G6PC1: variants seen among roughly 807,000 people sequenced by gnomAD.
The protein encoded by G6PC1 is glucose-6-phosphatase catalytic subunit 1, also known as G-6-Pase.
A neutral mutation model predicts 30.4 loss-of-function variants in G6PC1; 23 were observed. The observed-to-expected ratio is 0.76, with a 90% CI of 0.55 to 1.07. The LOEUF (loss-of-function observed/expected upper bound fraction) is 1.07. Among genes scored for constraint, G6PC1 ranks in the 50% least tolerant of loss-of-function variants. The pLI is 0.00. For missense variants in G6PC1, 391 were observed against 433.9 expected, an observed-to-expected ratio of 0.90 and a Z score of 0.88; for synonymous variants, 163 against 175.6, an observed-to-expected ratio of 0.93 and a Z score of 0.57.
chr17:42,905,439 T>C (rs1387816936), intron 2 of G6PC1, among the ~76,000 whole-genome samples: 3 of 109,838 alleles, frequency 2.7e-5, no homozygotes, highest in African/African-American at 1.2e-4. Context: ...AATATATATA[T>C]ATATACACAC....
chr17:42,911,246 T>G lies in G6PC1; in HGVS notation c.894T>G (p.Ser298=). The G allele has an allele frequency of 6.2e-7, 1 of 1,614,208 alleles. No homozygotes were observed. The highest frequency in any genetic ancestry group is 1.1e-5 in the South Asian group (1 of 91,082). Residue 298 remains serine (S), a synonymous_variant, in exon 5 of 5, where the codon TCT becomes TCG. Transcript: ENST00000253801. ...AGTGGCTCCCATTCCGCCTCAGCTC[T>G]ATTGTAGCCTCCCTCGTCCTCCTGC... The part of the protein sequence containing the change: ...LSKWLPFRLS[S]IVASLVLLHV...
intron 2 of G6PC1, 78 bp from the exon 3 acceptor site, chr17:42,907,445 G>A: frequency 1.1e-6 from 1 of 932,594 alleles, no homozygotes; most frequent in South Asian, 1.4e-5. Context: ...GGGATGGCTG[G>A]GTGGCTGGGT....
chr17:42,910,313 G>A (rs2056087520), intron 4 of G6PC1, among the ~76,000 whole-genome samples: 1 of 152,192 alleles, frequency 6.6e-6, no homozygotes, highest in Admixed American at 6.5e-5. Flanking sequence ...ATTCAAAGAA[G>A]AATGTTGAGA....
chr17:42,902,348 A>G (rs1375641010), intron 1 of G6PC1, among the ~76,000 whole-genome samples: 1 of 152,034 alleles, frequency 6.6e-6, no homozygotes, highest in African/African-American at 2.4e-5. Flanking sequence ...CTCCGGTTCA[A>G]GTGATTCTCC....
rs976784670 is a variant in G6PC1, at chr17:42,908,133, C to T, written c.446+505C>T. On this transcript the variant is annotated intron_variant, in intron 3 of 4. Coordinates refer to ENST00000253801, the MANE Select transcript of G6PC1 (RefSeq NM_000151.4). ...GCAACCTCTGCCTCCCAGGCTCAAG[C>T]GATCCTCCCACCTCAGCCATCTGAG... Among the ~76,000 whole-genome samples the T allele has an allele frequency of 5.3e-5, 8 of 152,260 alleles. No individual in the cohort carries two copies. In the East Asian group the frequency reaches 9.7e-4, roughly 18 times the overall value.
intron 2 of G6PC1, among the ~76,000 whole-genome samples, chr17:42,906,223 C>T (rs1045487615): frequency 2.6e-5 from 4 of 151,860 alleles, no homozygotes; most frequent in African/African-American, 7.3e-5. Flanking sequence ...TGGAGATTCA[C>T]GTGCAGGAGT....
rs1177391290 is a variant in G6PC1, at chr17:42,912,542, G to C, written c.*1116G>C. ...AGGATTCCTCTCTCAGGTCACTCCA[G>C]TGTTACTTTTAATTCCTAGAGGGTA... On this transcript the variant is annotated 3_prime_UTR_variant, in exon 5 of 5. Transcript: ENST00000253801. The C allele has an allele frequency of 6.6e-6, 1 of 152,134 alleles. No homozygotes were observed. Among genetic ancestry groups the C allele is most frequent in the Non-Finnish European group, 1.5e-5 (1 of 68,020 alleles). 9.4% of individuals were successfully genotyped at this position (152,134 alleles called of 1,614,324 possible). A position where few individuals can be genotyped will look rare whatever the true frequency, so the allele number is the denominator to read the frequency against.
rs2151930021 is a variant in G6PC1 at position 42,903,990 on chromosome 17, C to T, written c.290C>T (p.Thr97Ile). The T allele has an allele frequency of 6.2e-7, 1 of 1,614,120 alleles. No homozygotes were observed. The highest frequency in any genetic ancestry group is 8.5e-7 in the Non-Finnish European group (1 of 1,179,966). Residue 97 changes from threonine (T) to isoleucine (I), a missense_variant, in exon 2 of 5, where the codon ACT becomes ATT. Coordinates refer to ENST00000253801, the MANE Select transcript of G6PC1 (RefSeq NM_000151.4). ...WVLDTDYYSN[T>I]SVPLIKQFPV... ...TTGGATACTGACTACTACAGCAACA[C>T]TTCCGTGCCCCTGATAAAGCAGTTC...
At position 42,911,692 on chromosome 17, in the gene G6PC1, C is replaced by A; in HGVS notation, c.*266C>A. ...AAGTTTCCCGCCAGGAGGTCCTCCT[C>A]TCTCTACTTGAATACTCTCACAAGT... On this transcript the variant is annotated 3_prime_UTR_variant, in exon 5 of 5. Coordinates refer to ENST00000253801, the MANE Select transcript of G6PC1 (RefSeq NM_000151.4). 21 of 523,470 alleles carry A rather than the reference C, an allele frequency of 4.0e-5. No homozygotes were observed. The highest frequency in any genetic ancestry group is 6.2e-5 in the Non-Finnish European group (18 of 288,716). 32.4% of individuals were successfully genotyped at this position (523,470 alleles called of 1,614,324 possible). A position where few individuals can be genotyped will look rare whatever the true frequency, so the allele number is the denominator to read the frequency against.
rs1212515908 is a variant in G6PC1 at position 42,909,410 on chromosome 17, T to C, written c.554T>C (p.Val185Ala). 3.7e-6 allele frequency: 6 copies of C among 1,612,606 alleles called. No homozygotes were observed. The highest frequency in any genetic ancestry group is 5.1e-6 in the Non-Finnish European group (6 of 1,178,758). ...TTTCCTCATCAAGTTGTTGCTGGAG[T>C]CCTGTCAGGTATGGGCTGATCTGAC... is the stretch of plus-strand genomic sequence containing the variant. ...AHFPHQVVAG[V>A]LSGIAVAETF... Residue 185 changes from valine (V) to alanine (A), a missense_variant, in exon 4 of 5, where the codon GTC becomes GCC. Transcript: ENST00000253801.
At chr17:42,910,837 A>AC in intron 4 of G6PC1, 78 bp from the exon 5 acceptor site, 1 of 1,361,120 alleles carries the variant, frequency 7.3e-7, no homozygotes, top group Non-Finnish European at 1.0e-6. Context: ...ATGGCATGTC[A>AC]CCCACTCCTC....
At chr17:42,906,007 C>G (rs1037232654) in intron 2 of G6PC1, among the ~76,000 whole-genome samples, 6 of 150,544 alleles carry the variant, frequency 4.0e-5, no homozygotes, top group African/African-American at 1.5e-4. Context: ...AATCACACCA[C>G]TGCACTCCAG....
At position 42,911,716 on chromosome 17, in the gene G6PC1, G is replaced by C; in HGVS notation, c.*290G>C. 2 of 478,366 alleles carry C rather than the reference G, an allele frequency of 4.2e-6. No individual in the cohort carries two copies. The highest frequency in any genetic ancestry group is 7.7e-6 in the Non-Finnish European group (2 of 260,358). 29.6% of individuals were successfully genotyped at this position (478,366 alleles called of 1,614,324 possible). A position where few individuals can be genotyped will look rare whatever the true frequency, so the allele number is the denominator to read the frequency against. ...TCTCTCTACTTGAATACTCTCACAAGTAGGGAGCTCACTCCCACTGGAACA... is the reference window on the plus strand; with the variant it reads ...TCTCTCTACTTGAATACTCTCACAACTAGGGAGCTCACTCCCACTGGAACA... On this transcript the variant is annotated 3_prime_UTR_variant, in exon 5 of 5. Coordinates refer to ENST00000253801, the MANE Select transcript of G6PC1 (RefSeq NM_000151.4).
At chr17:42,901,914 G>A (rs1055396880) in intron 1 of G6PC1, among the ~76,000 whole-genome samples, 1 of 152,132 alleles carries the variant, frequency 6.6e-6, no homozygotes, top group Non-Finnish European at 1.5e-5. Flanking sequence ...ATCTCTGGCA[G>A]CTTAATAATA....
Position 42,901,070 on chromosome 17 carries a change from C to T in G6PC1, c.194C>T (p.Ala65Val). The T allele has an allele frequency of 6.2e-7, 1 of 1,614,150 alleles. No individual in the cohort carries two copies. The stretch of plus-strand genomic sequence containing the variant: ...GTGGGCATTAAACTCCTTTGGGTAG[C>T]TGTGATTGGAGACTGGCTCAACCTC... Reference protein sequence around the residue: ...EAVGIKLLWVAVIGDWLNLVF... With the variant: ...EAVGIKLLWVVVIGDWLNLVF... The change falls in exon 1 of 5, where the codon GCT becomes GTT. Residue 65 changes from alanine to valine, a missense_variant. By Grantham distance (64) the Ala-to-Val change is moderately conservative. Coordinates refer to ENST00000253801, the MANE Select transcript of G6PC1 (RefSeq NM_000151.4).
chr17:42,902,902 G>C (rs1014812631), intron 1 of G6PC1, among the ~76,000 whole-genome samples: 3 of 151,972 alleles, frequency 2.0e-5, no homozygotes, highest in African/African-American at 7.2e-5. Context: ...CTCGTCCTAG[G>C]GGCTGGAGTG....
intron 4 of G6PC1, among the ~76,000 whole-genome samples, chr17:42,910,541 G>T (rs962597256): frequency 3.9e-5 from 6 of 152,110 alleles, no homozygotes; most frequent in Non-Finnish European, 8.8e-5. Flanking sequence ...AGTATTAGAG[G>T]GGGACCAGTT....
At chr17:42,908,570 C>A (rs1358571115) in intron 3 of G6PC1, among the ~76,000 whole-genome samples, 2 of 151,728 alleles carry the variant, frequency 1.3e-5, no homozygotes, top group Non-Finnish European at 2.9e-5. Flanking sequence ...CCACACCTGG[C>A]TAATTTTTTT....
At chr17:42,910,768 A>G (rs1453012640) in intron 4 of G6PC1, 147 bp from the exon 5 acceptor site, 1 of 760,374 alleles carries the variant, frequency 1.3e-6, no homozygotes, top group Non-Finnish European at 2.3e-6. Context: ...ACACATGGGA[A>G]TAAGCCAGGC....
Sources: allele counts gnomAD v4.1 joint callset (sites outside exome capture counted in the v4.1 genomes callset), GRCh38; gene constraint gnomAD v4.1.1; transcripts MANE v1.5; gene names NCBI Gene and HGNC (gene_info 2026-07-23, HGNC 2026-07-21).